The following MTX2 variants were observed in gnomAD, a reference collection of about 807,000 sequenced individuals.
MTX2 encodes the protein metaxin-2.
Under a neutral mutation model 42.3 loss-of-function variants are expected in MTX2, and 35 were observed. The ratio of observed to expected loss-of-function variants is 0.83; its 90% CI spans 0.63 to 1.10. MTX2 has a LOEUF of 1.10. Ranked by LOEUF, MTX2 falls within the 50% of genes least tolerant of loss-of-function variation. The probability of loss-of-function intolerance (pLI) is 0.00; values close to 1 mark genes in which losing one functional copy is unlikely to be tolerated. For missense variants in MTX2, 307 were observed against 304.1 expected (o/e 1.01, Z -0.07); for synonymous variants, 119 against 100.9 (o/e 1.18, Z -1.08).
chr2:176,297,027 A>G (rs1253586850), intron 2 of MTX2, 120 bp downstream of exon 2: 9 of 1,119,128 alleles, frequency 8.0e-6, no homozygotes, highest in Admixed American at 2.0e-5. Context: ...ATTCCCTTGT[A>G]TAATTTGTCT....
intron 3 of MTX2, among the ~76,000 whole-genome samples, chr2:176,320,541 A>G (rs1684558336): frequency 6.6e-6 from 1 of 152,090 alleles, no homozygotes; most frequent in Non-Finnish European, 1.5e-5. Context: ...TATTTCGTAA[A>G]ATATGAGCAC....
chr2:176,270,041 G>A (rs1022850818), intron 1 of MTX2, among the ~76,000 whole-genome samples: 1 of 152,150 alleles, frequency 6.6e-6, no homozygotes, highest in African/African-American at 2.4e-5. Context: ...CAGTTTCTGG[G>A]TCTTGGTACT....
intron 5 of MTX2, among the ~76,000 whole-genome samples, chr2:176,327,235 T>A (rs1348911483): frequency 6.6e-6 from 1 of 151,282 alleles, no homozygotes; most frequent in Non-Finnish European, 1.5e-5. Flanking sequence ...GGTTTTGAAG[T>A]GTCTGGCTGA....
At chr2:176,293,594 C>T (rs750805208) in intron 1 of MTX2, among the ~76,000 whole-genome samples, 2 of 152,006 alleles carry the variant, frequency 1.3e-5, no homozygotes, top group Admixed American at 1.3e-4. Flanking sequence ...CCCCCCTTCT[C>T]TTGCTCCTGC....
At chr2:176,270,579 G>A (rs1692784238) in intron 1 of MTX2, among the ~76,000 whole-genome samples, 1 of 152,164 alleles carries the variant, frequency 6.6e-6, no homozygotes, top group Non-Finnish European at 1.5e-5. Context: ...CAGTAATGAA[G>A]ACAGTCACCA....
At chr2:176,311,610 A>G (rs1280890815) in intron 3 of MTX2, among the ~76,000 whole-genome samples, 4 of 152,152 alleles carry the variant, frequency 2.6e-5, no homozygotes, top group Non-Finnish European at 1.5e-5. Flanking sequence ...TCAGCAATGG[A>G]GGACACCCCT....
chr2:176,308,394 T>C (rs185424174), intron 3 of MTX2, among the ~76,000 whole-genome samples: 2 of 152,344 alleles, frequency 1.3e-5, no homozygotes, highest in Admixed American at 1.3e-4. Flanking sequence ...CAGGCTCTGG[T>C]ATCAGGATGA....
At chr2:176,289,645 A>G (rs930159578) in intron 1 of MTX2, among the ~76,000 whole-genome samples, 1 of 152,126 alleles carries the variant, frequency 6.6e-6, no homozygotes, top group Non-Finnish European at 1.5e-5. Flanking sequence ...TACTATTAGA[A>G]TAGTAATTCT....
intron 5 of MTX2, 69 bp from the exon 6 acceptor site, chr2:176,328,224 A>T: frequency 1.1e-6 from 1 of 929,476 alleles, no homozygotes; most frequent in Non-Finnish European, 1.6e-6. Flanking sequence ...GTTATTTGTT[A>T]GTGAGATAAC....
At chr2:176,332,348 G>T (rs1422028257) in intron 9 of MTX2, among the ~76,000 whole-genome samples, 2 of 151,222 alleles carry the variant, frequency 1.3e-5, no homozygotes, top group African/African-American at 4.8e-5. Context: ...TCATTACTTT[G>T]TGAGATACTA....
chr2:176,316,647 C>T (rs1218653658), intron 3 of MTX2, among the ~76,000 whole-genome samples: 1 of 152,148 alleles, frequency 6.6e-6, no homozygotes, highest in African/African-American at 2.4e-5. Flanking sequence ...AAGCGATCCA[C>T]CTGCTTCGGC....
chr2:176,315,301 GTTCCAT>G (rs745552435), intron 3 of MTX2, among the ~76,000 whole-genome samples: 8 of 152,108 alleles, frequency 5.3e-5, no homozygotes, highest in Non-Finnish European at 1.0e-4. Context: ...GTAAATACCA[GTTCCAT>G]CTTTCTAGTT....
At chr2:176,278,134 T>C (rs1040624986) in intron 1 of MTX2, among the ~76,000 whole-genome samples, 16 of 134,548 alleles carry the variant, frequency 1.2e-4, no homozygotes, top group African/African-American at 4.4e-4. Context: ...CACTGCAACC[T>C]CTGCCTCCCA....
chr2:176,272,031 T>C (rs1692825407), intron 1 of MTX2, among the ~76,000 whole-genome samples: 1 of 152,002 alleles, frequency 6.6e-6, no homozygotes, highest in Admixed American at 6.5e-5. Context: ...ATAAAGAAAA[T>C]GTATATAAGA....
At chr2:176,329,268 G>A in intron 7 of MTX2, 33 bp from the exon 8 acceptor site, 1 of 1,554,888 alleles carries the variant, frequency 6.4e-7, no homozygotes, top group East Asian at 2.3e-5. Context: ...TTTTAGGAAG[G>A]ATCACCTTTT....
At chr2:176,298,750 A>G (rs1160783109) in intron 3 of MTX2, among the ~76,000 whole-genome samples, 1 of 152,150 alleles carries the variant, frequency 6.6e-6, no homozygotes, top group African/African-American at 2.4e-5. Flanking sequence ...TTTGCTGTGT[A>G]TAAAATAATA....
intron 1 of MTX2, among the ~76,000 whole-genome samples, chr2:176,269,899 G>A (rs918320907): frequency 6.6e-6 from 1 of 152,106 alleles, no homozygotes; most frequent in African/African-American, 2.4e-5. Flanking sequence ...CTTCCCTTGG[G>A]CGGTACTTTG....
At chr2:176,317,785 C>T (rs1393045385) in intron 3 of MTX2, among the ~76,000 whole-genome samples, 2 of 152,228 alleles carry the variant, frequency 1.3e-5, no homozygotes, top group Non-Finnish European at 1.5e-5. Context: ...CCAGTGCCCT[C>T]TGCTGTTTGG....
chr2:176,314,124 C>T (rs1357212042), intron 3 of MTX2, among the ~76,000 whole-genome samples: 1 of 151,946 alleles, frequency 6.6e-6, no homozygotes, highest in Non-Finnish European at 1.5e-5. Flanking sequence ...TGTTCCCTTA[C>T]TCGTGTCAGA....
Sources: gnomAD v4.1 joint callset for allele counts (sites outside exome capture counted in the v4.1 genomes callset) on GRCh38, gnomAD v4.1.1 for gene constraint, MANE v1.5 for transcripts, NCBI Gene and HGNC (gene_info 2026-07-23, HGNC 2026-07-21) for gene names.